The following RANBP2 variants were observed in gnomAD, a reference collection of about 807,000 sequenced individuals.
The protein encoded by RANBP2 is RAN binding protein 2.
Under a neutral mutation model 303.6 loss-of-function variants are expected in RANBP2, and 57 were observed. That is an observed-to-expected ratio of 0.19 (90% confidence interval 0.15 to 0.23). The LOEUF (loss-of-function observed/expected upper bound fraction) is 0.23. Among genes scored for constraint, RANBP2 ranks in the 10% least tolerant of loss-of-function variants. RANBP2 has a pLI of 1.00. For synonymous variants in RANBP2, 1,167 were observed against 1,301.5 expected, an observed-to-expected ratio of 0.90 and a Z score of 2.23; for missense variants, 3,138 against 3,780.8, an observed-to-expected ratio of 0.83 and a Z score of 4.46.
chr2:109,416,358 G>T, the RANBP2 span, among the ~76,000 whole-genome samples: 13 of 151,888 alleles, frequency 8.6e-5, no homozygotes, highest in African/African-American at 3.1e-4. Context: ...ACTTTGGGAG[G>T]CTGAGGAGGG....
At chr2:109,282,601 C>T in the RANBP2 span, among the ~76,000 whole-genome samples, 1 of 152,218 alleles carries the variant, frequency 6.6e-6, no homozygotes, top group East Asian at 1.9e-4. Context: ...CGCACAGAGC[C>T]AATGCACGCA....
chr2:109,371,598 A>G, the RANBP2 span: 1 of 1,613,898 alleles, frequency 6.2e-7, no homozygotes. Context: ...CGAGATTCTG[A>G]CGGTGCTCAG....
intron 7 of RANBP2, 37 bp downstream of exon 7, chr2:108,740,718 C>T (rs766444662): frequency 3.4e-5 from 54 of 1,597,218 alleles, no homozygotes; most frequent in Admixed American, 8.3e-5. Context: ...TGACATTTCA[C>T]TGAGTCTTGA....
chr2:109,108,690 T>C, the RANBP2 span, among the ~76,000 whole-genome samples: 6 of 152,088 alleles, frequency 3.9e-5, no homozygotes, highest in Non-Finnish European at 7.4e-5. Flanking sequence ...CTTAGCAAAA[T>C]TGAAAGGATG....
chr2:108,807,235 T>C, the RANBP2 span, among the ~76,000 whole-genome samples: 4 of 152,092 alleles, frequency 2.6e-5, no homozygotes, highest in Non-Finnish European at 4.4e-5. Context: ...AGTAGAAAAA[T>C]AGATTGACAA....
chr2:108,960,234 G>A, the RANBP2 span, among the ~76,000 whole-genome samples: 2 of 152,186 alleles, frequency 1.3e-5, no homozygotes, highest in African/African-American at 4.8e-5. Context: ...TTGTCCACAA[G>A]AGCCTCAAAC....
the RANBP2 span, among the ~76,000 whole-genome samples, chr2:109,322,194 A>G: frequency 3.3e-5 from 5 of 152,212 alleles, no homozygotes; most frequent in African/African-American, 9.6e-5. Context: ...CGCCCCTTCA[A>G]GCATTCTGGA....
chr2:108,885,076 A>G, the RANBP2 span: 6 of 152,242 alleles, frequency 3.9e-5, no homozygotes, highest in Middle Eastern at 3.2e-3. Context: ...AGCTCATGTA[A>G]TTACTAATCA....
At chr2:109,565,020 T>TA in the RANBP2 span, among the ~76,000 whole-genome samples, 30 of 152,222 alleles carry the variant, frequency 2.0e-4, 1 homozygote, top group Admixed American at 1.8e-3. Flanking sequence ...GATCCTGTGT[T>TA]AGACACTATT....
chr2:109,169,706 A>C, the RANBP2 span, among the ~76,000 whole-genome samples: 459 of 151,580 alleles, frequency 3.0e-3, 1 homozygote, highest in African/African-American at 8.1e-3. Context: ...CTCTCTCTCT[A>C]TATATATCTA....
the RANBP2 span, chr2:109,592,962 C>A: frequency 1.3e-6 from 1 of 788,532 alleles, no homozygotes; most frequent in Non-Finnish European, 1.9e-6. Context: ...GTCTCTATCA[C>A]AAGAGTCTAT....
At chr2:109,199,647 T>C in the RANBP2 span, among the ~76,000 whole-genome samples, 1 of 22 alleles carries the variant, frequency 0.045, no homozygotes, top group Admixed American at 0.17. Context: ...TGGAATGGAA[T>C]GGAATGGAAT....
At chr2:109,708,535 T>C in the RANBP2 span, among the ~76,000 whole-genome samples, 1 of 152,026 alleles carries the variant, frequency 6.6e-6, no homozygotes. Context: ...TGCATGCCTG[T>C]AGTTCCAGCT....
the RANBP2 span, among the ~76,000 whole-genome samples, chr2:108,864,520 G>A: frequency 1.4e-4 from 21 of 151,882 alleles, no homozygotes; most frequent in South Asian, 1.7e-3. Context: ...AAAATTAGCC[G>A]GGCACGGTGG....
rs1220609535 is a variant in RANBP2 at position 108,745,566 on chromosome 2, A to G, written c.976-1145A>G. On this transcript the variant is annotated intron_variant, in intron 7 of 28. Transcript: ENST00000283195. The stretch of plus-strand genomic sequence containing the variant: ...ATTTTAATATTTGAAGGCAGCTGTC[A>G]CGTCTTCCCTTTGCCATTCTATTCA... Among the ~76,000 whole-genome samples, 4 of 147,792 alleles carry G rather than the reference A, an allele frequency of 2.7e-5. No homozygotes were observed. In the East Asian group the frequency reaches 7.8e-4, roughly 29 times the overall value.
the RANBP2 span, among the ~76,000 whole-genome samples, chr2:109,651,374 G>T: frequency 3.3e-5 from 5 of 152,086 alleles, no homozygotes; most frequent in Non-Finnish European, 7.4e-5. Flanking sequence ...TTGAGCAGGT[G>T]GCCCAGTGTT....
At chr2:109,101,150 G>A in the RANBP2 span, among the ~76,000 whole-genome samples, 3 of 152,158 alleles carry the variant, frequency 2.0e-5, no homozygotes, top group African/African-American at 7.2e-5. Context: ...AGTGCAGGCT[G>A]CCACTTCCAT....
chr2:108,992,809 C>T, the RANBP2 span, among the ~76,000 whole-genome samples: 6 of 152,190 alleles, frequency 3.9e-5, no homozygotes, highest in Middle Eastern at 3.2e-3. Flanking sequence ...TCTGGAAGAA[C>T]GTTGCCCCTG....
chr2:109,318,209 C>T, the RANBP2 span, among the ~76,000 whole-genome samples: 21 of 151,926 alleles, frequency 1.4e-4, no homozygotes, highest in Admixed American at 9.8e-4. Flanking sequence ...TGGCAAATGC[C>T]GAGATTGTAA....
Sources: gnomAD v4.1 joint callset for allele counts (sites outside exome capture counted in the v4.1 genomes callset) on GRCh38, gnomAD v4.1.1 for gene constraint, MANE v1.5 for transcripts, NCBI Gene and HGNC (gene_info 2026-07-23, HGNC 2026-07-21) for gene names.